Variants in SLF2 observed in about 807,000 individuals in gnomAD.
The protein encoded by SLF2 is SMC5-SMC6 complex localization factor protein 2.
Under a neutral mutation model 124.3 loss-of-function variants are expected in SLF2, and 68 were observed. The observed-to-expected ratio is 0.55, with a 90% CI of 0.45 to 0.67. The LOEUF (loss-of-function observed/expected upper bound fraction) is 0.67. Among genes scored for constraint, SLF2 ranks in the 30% least tolerant of loss-of-function variants. The pLI is 0.00. For missense variants in SLF2, 1,246 were observed against 1,373.7 expected (o/e 0.91, Z 1.47); for synonymous variants, 480 against 478.8 (o/e 1.00, Z -0.03).
rs1849349209 is a variant in SLF2 at position 100,913,162 on chromosome 10, C to T, written c.52C>T (p.Pro18Ser). 1 of 1,613,592 alleles carries T rather than the reference C, an allele frequency of 6.2e-7. No individual in the cohort carries two copies. Among genetic ancestry groups the T allele is most frequent in the Non-Finnish European group, 8.5e-7 (1 of 1,179,838 alleles). Residue 18 changes from proline to serine, a missense_variant, in exon 1 of 20, where the codon CCG becomes TCG. Physicochemically the swap from Pro to Ser is moderately conservative, Grantham distance 74 (BLOSUM62 -1). Transcript: ENST00000238961. ...ARPGFPSSPAPGSSPPRCHLR... is the reference protein window; with the variant it reads ...ARPGFPSSPASGSSPPRCHLR... ...GCCAGGTTTCCCCTCATCCCCAGCC[C>T]CGGGGTCGTCGCCCCCGCGCTGCCA...
rs1589972823 is a variant in SLF2, at chr10:100,963,119, A to C, written c.*1207A>C. 1 of 152,466 alleles carries C rather than the reference A, an allele frequency of 6.6e-6. No homozygotes were observed. The highest frequency in any genetic ancestry group is 2.1e-4 in the South Asian group (1 of 4,822). 9.4% of individuals were successfully genotyped at this position (152,466 alleles called of 1,614,324 possible). A position where few individuals can be genotyped will look rare whatever the true frequency, so the allele number is the denominator to read the frequency against. On this transcript the variant is annotated 3_prime_UTR_variant, in exon 20 of 20. Coordinates refer to ENST00000238961, the MANE Select transcript of SLF2 (RefSeq NM_018121.4). ...TTGTTGTTCTTTCAGTATTGGCTTG[A>C]GTGACCTGTTCTCCTGAGTGCTCTA...
intron 7 of SLF2, 122 bp from the exon 8 acceptor site, chr10:100,929,708 C>T: frequency 1.3e-6 from 1 of 754,714 alleles, no homozygotes. Context: ...TTTTCTCATG[C>T]TAGTCTTCTA....
At chr10:100,922,291 G>A (rs1024714945) in intron 4 of SLF2, among the ~76,000 whole-genome samples, 4 of 152,138 alleles carry the variant, frequency 2.6e-5, no homozygotes, top group Admixed American at 6.6e-5. Context: ...GCCTAGGCTG[G>A]TCTCAAACTC....
intron 9 of SLF2, among the ~76,000 whole-genome samples, chr10:100,936,390 G>A (rs1287492230): frequency 6.6e-6 from 1 of 152,038 alleles, no homozygotes. Flanking sequence ...CTGGAGTGCA[G>A]TGGCACGATC....
chr10:100,934,339 C>G (rs917200596), intron 9 of SLF2, among the ~76,000 whole-genome samples: 2 of 152,168 alleles, frequency 1.3e-5, no homozygotes, highest in African/African-American at 4.8e-5. Flanking sequence ...TGTATATACT[C>G]CTTTACACAT....
intron 10 of SLF2, among the ~76,000 whole-genome samples, chr10:100,937,693 C>G (rs565776434): frequency 1.3e-5 from 2 of 151,682 alleles, no homozygotes; most frequent in Non-Finnish European, 2.9e-5. Flanking sequence ...ACTGCAACTT[C>G]CACCTCCCTG....
chr10:100,918,838 G>T (rs1235713487), intron 4 of SLF2, among the ~76,000 whole-genome samples: 1 of 151,950 alleles, frequency 6.6e-6, no homozygotes, highest in African/African-American at 2.4e-5. Flanking sequence ...TGCCCAGGCT[G>T]GTCTCAAACT....
chr10:100,922,777 T>A (rs1589944817), intron 4 of SLF2, among the ~76,000 whole-genome samples: 1 of 122,646 alleles, frequency 8.2e-6, no homozygotes, highest in African/African-American at 2.7e-5. Flanking sequence ...TTAAAGTGAA[T>A]TTTTTTTTTT....
intron 11 of SLF2, among the ~76,000 whole-genome samples, chr10:100,939,101 A>G (rs1849919699): frequency 6.6e-6 from 1 of 152,254 alleles, no homozygotes; most frequent in African/African-American, 2.4e-5. Context: ...TAATCTAGAC[A>G]TAGAAGCCTA....
intron 17 of SLF2, 136 bp from the exon 18 acceptor site, chr10:100,956,315 G>A (rs990113172): frequency 3.4e-5 from 21 of 617,126 alleles, no homozygotes; most frequent in Middle Eastern, 4.1e-4. Context: ...CTACTGTTAC[G>A]TTGAATAGTT....
intron 6 of SLF2, 51 bp downstream of exon 6, chr10:100,926,070 T>G (rs748755179): frequency 5.0e-6 from 8 of 1,614,184 alleles, no homozygotes; most frequent in Non-Finnish European, 6.8e-6. Flanking sequence ...TGCTTGTTTG[T>G]GTGGCTTACT....
At chr10:100,932,717 G>A (rs1474301536) in intron 9 of SLF2, among the ~76,000 whole-genome samples, 10 of 24,352 alleles carry the variant, frequency 4.1e-4, no homozygotes, top group Non-Finnish European at 9.0e-4. Flanking sequence ...GTGTGTGTGT[G>A]TGTGCGCGCG....
intron 18 of SLF2, among the ~76,000 whole-genome samples, chr10:100,957,795 A>C (rs1422425816): frequency 1.3e-5 from 2 of 152,172 alleles, no homozygotes; most frequent in Non-Finnish European, 2.9e-5. Context: ...CAAATATATG[A>C]GTATGGAGTA....
chr10:100,950,573 C>T, intron 16 of SLF2, 103 bp from the exon 17 acceptor site: 2 of 964,948 alleles, frequency 2.1e-6, no homozygotes, highest in Non-Finnish European at 3.2e-6. Flanking sequence ...GTTAACTTGA[C>T]CGTATCCTTT....
At position 100,947,027 on chromosome 10, in the gene SLF2, C is replaced by CT. The variant is rs779808994; in HGVS notation, c.2935-4dup. ...TGTTTGAAAAGAAATCTTACATGTT[C>CT]TTTTTTTTCAGGTGCCTGAACTCTG... On this transcript the variant is annotated splice_polypyrimidine_tract_variant and intron_variant, in intron 13 of 19. Coordinates refer to ENST00000238961, the MANE Select transcript of SLF2 (RefSeq NM_018121.4). 3.7e-5 allele frequency: 59 copies of CT among 1,600,654 alleles called. No homozygotes were observed. The highest frequency in any genetic ancestry group is 3.0e-4 in the South Asian group (27 of 90,754).
At chr10:100,923,486 C>A (rs569832382) in intron 4 of SLF2, among the ~76,000 whole-genome samples, 1 of 151,902 alleles carries the variant, frequency 6.6e-6, no homozygotes, top group Non-Finnish European at 1.5e-5. Flanking sequence ...GTAAGTACAC[C>A]AGTCATACTG....
intron 4 of SLF2, among the ~76,000 whole-genome samples, chr10:100,921,795 T>G (rs1289952850): frequency 6.6e-6 from 1 of 152,220 alleles, no homozygotes; most frequent in Non-Finnish European, 1.5e-5. Context: ...TCATTTTTTG[T>G]AATCCCATAC....
intron 6 of SLF2, chr10:100,926,468 G>A: frequency 2.0e-6 from 1 of 507,170 alleles, no homozygotes; most frequent in Non-Finnish European, 3.3e-6. Context: ...GCCAGTCATG[G>A]TGCCACATAC....
Position 100,937,388 on chromosome 10 carries a change from T to C in SLF2, c.2437-14T>C. ...TTTCTTCTTAATATCCTGTCATTTCTCTGCTTTTGACAGATGATGTCAGTT... is the reference window on the plus strand; with the variant it reads ...TTTCTTCTTAATATCCTGTCATTTCCCTGCTTTTGACAGATGATGTCAGTT... On this transcript the variant is annotated splice_polypyrimidine_tract_variant and intron_variant, in intron 9 of 19. Coordinates refer to ENST00000238961, the MANE Select transcript of SLF2 (RefSeq NM_018121.4). The C allele has an allele frequency of 6.3e-7, 1 of 1,591,880 alleles. No individual in the cohort carries two copies. The highest frequency in any genetic ancestry group is 8.6e-7 in the Non-Finnish European group (1 of 1,160,296).
Sources: gnomAD v4.1 joint callset for allele counts (sites outside exome capture counted in the v4.1 genomes callset) on GRCh38, gnomAD v4.1.1 for gene constraint, MANE v1.5 for transcripts, NCBI Gene and HGNC (gene_info 2026-07-23, HGNC 2026-07-21) for gene names.